DLG2: variants seen among roughly 807,000 people sequenced by gnomAD.
DLG2 encodes the protein discs large MAGUK scaffold protein 2, also known as disks large homolog 2.
DLG2 carries 45 observed loss-of-function variants against 132.5 expected under a neutral mutation model. The observed-to-expected ratio is 0.34, with a 90% CI of 0.27 to 0.44. DLG2 has a LOEUF of 0.44. Ranked by LOEUF, DLG2 falls within the 20% of genes least tolerant of loss-of-function variation. The probability of loss-of-function intolerance (pLI) is 1.00; values close to 1 mark genes in which losing one functional copy is unlikely to be tolerated. For synonymous variants in DLG2, 424 were observed against 419.6 expected (o/e 1.01, Z -0.13); for missense variants, 1,045 against 1,196.9 (o/e 0.87, Z 1.87).
intron 18 of DLG2, among the ~76,000 whole-genome samples, chr11:83,732,170 T>G (rs1308204045): frequency 6.6e-6 from 1 of 152,216 alleles, no homozygotes; most frequent in Non-Finnish European, 1.5e-5. Context: ...TTTGTGTTTT[T>G]GGATGTGATT....
At chr11:85,089,565 A>G (rs1250735745) in intron 6 of DLG2, among the ~76,000 whole-genome samples, 1 of 152,142 alleles carries the variant, frequency 6.6e-6, no homozygotes, top group Non-Finnish European at 1.5e-5. Context: ...TGCCTTTGCT[A>G]TTATGAATAG....
intron 11 of DLG2, among the ~76,000 whole-genome samples, chr11:83,988,677 T>C (rs1174779452): frequency 2.0e-5 from 3 of 152,050 alleles, no homozygotes; most frequent in Admixed American, 1.3e-4. Flanking sequence ...TACTCCGACA[T>C]AGTCATAGAC....
intron 9 of DLG2, among the ~76,000 whole-genome samples, chr11:84,114,972 A>G (rs1282433074): frequency 6.6e-6 from 1 of 152,028 alleles, no homozygotes; most frequent in East Asian, 1.9e-4. Context: ...ACCTGGGCTG[A>G]CTTCACATTC....
intron 16 of DLG2, among the ~76,000 whole-genome samples, 157 bp from the exon 17 acceptor site, chr11:83,833,927 T>C (rs987969165): frequency 6.6e-6 from 1 of 152,220 alleles, no homozygotes; most frequent in Non-Finnish European, 1.5e-5. Context: ...GAGGCTAATA[T>C]CAGGACAGAT....
At chr11:83,714,456 T>A (rs562513175) in intron 18 of DLG2, among the ~76,000 whole-genome samples, 1 of 152,264 alleles carries the variant, frequency 6.6e-6, no homozygotes, top group South Asian at 2.1e-4. Flanking sequence ...CTATTAGAGA[T>A]TAAGTAATCT....
chr11:84,589,132 T>C (rs1232487038), intron 6 of DLG2, among the ~76,000 whole-genome samples: 2 of 151,862 alleles, frequency 1.3e-5, no homozygotes, highest in African/African-American at 2.4e-5. Flanking sequence ...GGCTGAAGGG[T>C]TGAAGGTAAA....
intron 6 of DLG2, among the ~76,000 whole-genome samples, chr11:84,580,756 A>T (rs2099514423): frequency 6.6e-6 from 1 of 152,222 alleles, no homozygotes; most frequent in Non-Finnish European, 1.5e-5. Context: ...TTTCAATTTC[A>T]TCCTTACCCT....
At chr11:84,631,120 G>GT (rs11377924) in intron 6 of DLG2, among the ~76,000 whole-genome samples, 151,540 of 151,540 alleles carry the variant, frequency 1, 75,770 homozygotes, top group Non-Finnish European at 1. Context: ...GAAAAATGCT[G>GT]TTGAATGGTA....
At chr11:83,467,777 A>ATATATATATATATATG (rs2091343169) in intron 25 of DLG2, among the ~76,000 whole-genome samples, 1 of 45,862 alleles carries the variant, frequency 2.2e-5, no homozygotes, top group Non-Finnish European at 4.0e-5. Flanking sequence ...ATATGTATAT[A>ATATATATATATATATG]TATATATATA....
At chr11:84,959,672 C>T (rs1446300310) in intron 6 of DLG2, among the ~76,000 whole-genome samples, 7 of 152,240 alleles carry the variant, frequency 4.6e-5, no homozygotes, top group Admixed American at 1.3e-4. Flanking sequence ...TAATATATCA[C>T]ATTGATGTTC....
chr11:84,254,093 C>G (rs1396725944), intron 7 of DLG2, among the ~76,000 whole-genome samples: 1 of 152,152 alleles, frequency 6.6e-6, no homozygotes, highest in African/African-American at 2.4e-5. Context: ...CCATGACTCA[C>G]AAAAGTGTGC....
intron 6 of DLG2, among the ~76,000 whole-genome samples, chr11:84,568,969 G>T (rs912702645): frequency 6.6e-6 from 1 of 152,148 alleles, no homozygotes; most frequent in Non-Finnish European, 1.5e-5. Context: ...CTAGCCTGCA[G>T]CCCTGCTCAA....
At chr11:85,341,081 ATGAAAATTT>A (rs1420736013) in intron 3 of DLG2, among the ~76,000 whole-genome samples, 1 of 151,236 alleles carries the variant, frequency 6.6e-6, no homozygotes, top group Non-Finnish European at 1.5e-5. Flanking sequence ...GGTAGAAGGT[ATGAAAATTT>A]TGTGGCTTTT....
At chr11:83,638,258 A>G (rs1029624004) in intron 18 of DLG2, among the ~76,000 whole-genome samples, 14 of 152,156 alleles carry the variant, frequency 9.2e-5, no homozygotes, top group Non-Finnish European at 1.6e-4. Flanking sequence ...TGGCATTTGT[A>G]TTCACTTGAA....
chr11:83,929,432 G>A (rs537154774), intron 15 of DLG2, among the ~76,000 whole-genome samples: 3 of 152,246 alleles, frequency 2.0e-5, no homozygotes, highest in East Asian at 3.9e-4. Context: ...CTTGTGGAAC[G>A]CTGAATTCTA....
intron 6 of DLG2, among the ~76,000 whole-genome samples, chr11:84,821,583 T>C (rs1258688124): frequency 6.7e-6 from 1 of 150,202 alleles, no homozygotes; most frequent in African/African-American, 2.4e-5. Context: ...GTGGGCCAGA[T>C]TTAGCTCCTA....
chr11:84,928,958 A>ATG (rs1186822886), intron 6 of DLG2, among the ~76,000 whole-genome samples: 2,370 of 52,620 alleles, frequency 0.045, 148 homozygotes, highest in Middle Eastern at 0.052. Flanking sequence ...ACTCTCTGAT[A>ATG]TGTGTGTGTG....
chr11:84,332,962 T>C (rs552052401), intron 7 of DLG2, among the ~76,000 whole-genome samples: 134 of 152,310 alleles, frequency 8.8e-4, no homozygotes, highest in Middle Eastern at 3.4e-3. Context: ...ATACAGACTC[T>C]TGTTGAGACC....
chr11:85,244,450 T>A lies in DLG2; in HGVS notation c.186+40770A>T, dbSNP rs574758720. 3.3e-5 allele frequency among the ~76,000 whole-genome samples: 5 copies of A among 152,008 alleles called. 1 individual carries two copies. The South Asian group carries it at 1.0e-3, about 32-fold the overall frequency. On this transcript the variant is annotated intron_variant, in intron 4 of 27. Transcript: ENST00000376104. ...AAGTGTTTATGCATTGGGGCAACAA[T>A]ATGGAAATCAACATCTGTGGTTAAA...
Sources: gnomAD v4.1 joint callset for allele counts (sites outside exome capture counted in the v4.1 genomes callset) on GRCh38, gnomAD v4.1.1 for gene constraint, MANE v1.5 for transcripts, NCBI Gene and HGNC (gene_info 2026-07-23, HGNC 2026-07-21) for gene names.